The following NCOR1 variants were observed in gnomAD, a reference collection of about 807,000 sequenced individuals.
NCOR1 encodes protein phosphatase 1, regulatory subunit 109.
In NCOR1, 63 loss-of-function variants were observed where a neutral mutation model predicts 288.1. The observed-to-expected ratio is 0.22, with a 90% CI of 0.18 to 0.27. The LOEUF is 0.27. Ranked by LOEUF, NCOR1 falls within the 10% of genes least tolerant of loss-of-function variation. The pLI, the probability that NCOR1 is intolerant of heterozygous loss-of-function variation, is 1.00. For missense variants in NCOR1, 2,397 were observed against 3,019.2 expected (o/e 0.79, Z 4.83); for synonymous variants, 1,007 against 1,065.9 (o/e 0.94, Z 1.08).
At chr17:16,160,386 G>A (rs1039038868) in intron 5 of NCOR1, among the ~76,000 whole-genome samples, 4 of 151,866 alleles carry the variant, frequency 2.6e-5, no homozygotes, top group South Asian at 4.2e-4. Context: ...ATATCCACAC[G>A]AATAAATTTA....
At position 16,152,048 on chromosome 17, in the gene NCOR1, T is replaced by A. The variant is rs370070158; in HGVS notation, c.790-50A>T. 4.0e-5 allele frequency: 50 copies of A among 1,245,090 alleles called. No homozygotes were observed. The South Asian group carries it at 4.5e-4, about 11-fold the overall frequency. The allele number at this position is 1,245,090 out of a possible 1,614,324, so 77.1% of individuals were successfully genotyped here. ...GTATAAAATGTTGTACATATGTCTA[T>A]GAAGAGACAAAGAAACATAATTTTA... On this transcript the variant is annotated intron_variant, in intron 7 of 45. Coordinates refer to ENST00000268712, the MANE Select transcript of NCOR1 (RefSeq NM_006311.4).
At chr17:16,208,671 T>A (rs938945860) in intron 1 of NCOR1, among the ~76,000 whole-genome samples, 4 of 151,728 alleles carry the variant, frequency 2.6e-5, no homozygotes, top group Non-Finnish European at 5.9e-5. Flanking sequence ...AGCAACATAA[T>A]GAGACCCTGT....
intron 21 of NCOR1, among the ~76,000 whole-genome samples, chr17:16,096,322 G>C (rs939217994): frequency 1.3e-5 from 2 of 151,630 alleles, no homozygotes; most frequent in Non-Finnish European, 2.9e-5. Flanking sequence ...ATAAAATAAA[G>C]AAAAGAACAA....
chr17:16,099,014 A>G (rs1030153433), intron 20 of NCOR1, among the ~76,000 whole-genome samples: 3 of 152,254 alleles, frequency 2.0e-5, no homozygotes, highest in Admixed American at 6.5e-5. Flanking sequence ...AAATATTTGA[A>G]TAAGCTGCTG....
In NCOR1 at chr17:16,048,833, A is replaced by G; in HGVS notation, c.6536+12T>C. On this transcript the variant is annotated intron_variant, in intron 41 of 45. Transcript: ENST00000268712. Reference sequence around the variant, plus strand: ...GCCATGAATGGTTGCTGTCACTAGGAAGCACACTTACCTCTGCTCTGCAGG... The same window carrying G: ...GCCATGAATGGTTGCTGTCACTAGGGAGCACACTTACCTCTGCTCTGCAGG... 1 of 1,586,852 alleles carries G rather than the reference A, an allele frequency of 6.3e-7. No homozygotes were observed. The highest frequency in any genetic ancestry group is 8.6e-7 in the Non-Finnish European group (1 of 1,162,032).
intron 4 of NCOR1, among the ~76,000 whole-genome samples, chr17:16,168,066 A>G (rs1017307184): frequency 1.3e-5 from 2 of 152,164 alleles, no homozygotes; most frequent in Non-Finnish European, 2.9e-5. Context: ...TAACCAATAA[A>G]CAAATAAAAA....
intron 14 of NCOR1, among the ~76,000 whole-genome samples, chr17:16,135,621 G>A (rs1358808267): frequency 1.3e-5 from 2 of 152,048 alleles, no homozygotes; most frequent in East Asian, 1.9e-4. Context: ...GAAAATCCAC[G>A]TCTAAGGCAC....
At chr17:16,135,813 G>C (rs917832810) in intron 14 of NCOR1, among the ~76,000 whole-genome samples, 1 of 152,226 alleles carries the variant, frequency 6.6e-6, no homozygotes, top group African/African-American at 2.4e-5. Flanking sequence ...AATACTGAGA[G>C]AACTGGGTCA....
intron 31 of NCOR1, among the ~76,000 whole-genome samples, chr17:16,069,329 A>G (rs1468092342): frequency 6.6e-6 from 1 of 151,976 alleles, no homozygotes; most frequent in African/African-American, 2.4e-5. Context: ...TCACCTCCCC[A>G]TCCCTAACAA....
At chr17:16,092,098 TG>T (rs777572697) in intron 21 of NCOR1, 40 bp from the exon 22 acceptor site, 1 of 1,598,944 alleles carries the variant, frequency 6.3e-7, no homozygotes, top group Middle Eastern at 1.7e-4. Context: ...AAACAACCAA[TG>T]TAATAATTGC....
rs1371881979 is a variant in NCOR1, at chr17:16,029,309, G to C, written c.*2987C>G. On this transcript the variant is annotated 3_prime_UTR_variant, in exon 46 of 46. Coordinates refer to ENST00000268712, the MANE Select transcript of NCOR1 (RefSeq NM_006311.4). ...TTCATTTACACTGTTGTAAAATAAGGTACTGAAGCAAAAGGAGGACTGATC... is the reference window on the plus strand; with the variant it reads ...TTCATTTACACTGTTGTAAAATAAGCTACTGAAGCAAAAGGAGGACTGATC... The C allele has an allele frequency of 6.7e-6, 3 of 446,352 alleles. No individual in the cohort carries two copies. The highest frequency in any genetic ancestry group is 1.3e-5 in the Non-Finnish European group (3 of 223,750). The allele number at this position is 446,352 out of a possible 1,614,324, so 27.6% of individuals were successfully genotyped here. A position where few individuals can be genotyped will look rare whatever the true frequency, so the allele number is the denominator to read the frequency against.
rs187252627 is a variant in NCOR1, at chr17:16,176,665, G to C, written c.243-4670C>G. ...TTAAACTGTCTGGTATAATATTCTT[G>C]AATATCAATTTCTTTTACTCAGAAC... On this transcript the variant is annotated intron_variant, in intron 3 of 45. Coordinates refer to ENST00000268712, the MANE Select transcript of NCOR1 (RefSeq NM_006311.4). 3.9e-5 allele frequency among the ~76,000 whole-genome samples: 6 copies of C among 152,116 alleles called. No individual in the cohort carries two copies. In the East Asian group the frequency reaches 9.6e-4, roughly 24 times the overall value.
intron 3 of NCOR1, among the ~76,000 whole-genome samples, chr17:16,174,732 G>A (rs934208739): frequency 1.3e-5 from 2 of 152,148 alleles, no homozygotes; most frequent in African/African-American, 4.8e-5. Context: ...AATATTAGGA[G>A]TTCTGGTAGA....
At chr17:16,053,172 A>G (rs2059509710) in intron 40 of NCOR1, among the ~76,000 whole-genome samples, 1 of 152,226 alleles carries the variant, frequency 6.6e-6, no homozygotes, top group Admixed American at 6.5e-5. Flanking sequence ...TTTATTCAAC[A>G]TCCTATTGGA....
intron 1 of NCOR1, among the ~76,000 whole-genome samples, chr17:16,196,149 A>G (rs2089743365): frequency 6.7e-6 from 1 of 149,208 alleles, no homozygotes; most frequent in Non-Finnish European, 1.5e-5. Flanking sequence ...ATAAAAATAT[A>G]ACATATATAA....
intron 18 of NCOR1, among the ~76,000 whole-genome samples, chr17:16,113,724 C>G (rs1209671068): frequency 6.6e-6 from 1 of 152,090 alleles, no homozygotes; most frequent in Non-Finnish European, 1.5e-5. Context: ...GAAACCCCAT[C>G]TCTACTAAAA....
chr17:16,048,697 G>A (rs2058958654), intron 41 of NCOR1, 148 bp downstream of exon 41: 5 of 679,304 alleles, frequency 7.4e-6, no homozygotes, highest in African/African-American at 1.8e-5. Flanking sequence ...AGCATTAGAT[G>A]AGTAGGAAAA....
chr17:16,127,302 TATATATAC>T lies in NCOR1; in HGVS notation c.1510-1104_1510-1097del, dbSNP rs1408938367. ...ATATACGTGTATATATGTATGTATG[TATATATAC>T]ATGTATGTATATATGTATGTATATA... On this transcript the variant is annotated intron_variant, in intron 14 of 45. Coordinates refer to ENST00000268712, the MANE Select transcript of NCOR1 (RefSeq NM_006311.4). Among the ~76,000 whole-genome samples the T allele has an allele frequency of 6.4e-4, 61 of 95,170 alleles. 13 individuals are homozygous for T. Among genetic ancestry groups the T allele is most frequent in the African/African-American group, 2.0e-3 (54 of 27,134 alleles). The allele number at this position is 95,170 out of a possible 152,430, so 62.4% of individuals were successfully genotyped here.
chr17:16,108,011 G>A (rs2069140566), intron 19 of NCOR1, among the ~76,000 whole-genome samples: 1 of 151,652 alleles, frequency 6.6e-6, no homozygotes, highest in Non-Finnish European at 1.5e-5. Flanking sequence ...ACAGAAAAGA[G>A]ATACAACTCT....
Sources: allele counts gnomAD v4.1 joint callset (sites outside exome capture counted in the v4.1 genomes callset), GRCh38; gene constraint gnomAD v4.1.1; transcripts MANE v1.5; gene names NCBI Gene and HGNC (gene_info 2026-07-23, HGNC 2026-07-21).